The following THRAP3 variants were observed in gnomAD, a reference collection of about 807,000 sequenced individuals.
THRAP3 encodes the protein thyroid hormone receptor associated protein 3.
Under a neutral mutation model 101.0 loss-of-function variants are expected in THRAP3, and 16 were observed. The observed-to-expected ratio is 0.16, with a 90% confidence interval of 0.11 to 0.24. The LOEUF (loss-of-function observed/expected upper bound fraction) is 0.24, where lower values mean the gene tolerates loss of function less well. Ranked by LOEUF, THRAP3 falls within the 10% of genes least tolerant of loss-of-function variation. The pLI is 1.00. For synonymous variants in THRAP3, 407 were observed against 422.6 expected (o/e 0.96, Z 0.45); for missense variants, 989 against 1,202.7 (o/e 0.82, Z 2.63).
chr1:36,301,474 G>T, intron 10 of THRAP3, 79 bp from the exon 11 acceptor site: 1 of 1,543,218 alleles, frequency 6.5e-7, no homozygotes, highest in Non-Finnish European at 8.7e-7. Context: ...CCAGAAAAAT[G>T]TTTGAACAAA....
chr1:36,263,605 A>T lies in THRAP3; in HGVS notation c.-32+4121A>T, dbSNP rs557041318. Among the ~76,000 whole-genome samples the T allele has an allele frequency of 1.1e-4, 17 of 152,322 alleles. No individual in the cohort carries two copies. In the South Asian group the frequency reaches 3.3e-3, roughly 30 times the overall value. ...CCCAATGGTAACATACTCATTTAAA[A>T]TGGGGGCTAAAATTACTGTTACTGT... On this transcript the variant is annotated intron_variant, in intron 2 of 11. Transcript: ENST00000354618.
Position 36,266,275 on chromosome 1 carries a change from A to G in THRAP3, c.-32+6791A>G, listed in dbSNP as rs765595659. ...CAGAGGTTGCAGTCACCTCTGCAGTAAGATTGAGCTACTGCACTCCAGCCT... is the reference window on the plus strand; with the variant it reads ...CAGAGGTTGCAGTCACCTCTGCAGTGAGATTGAGCTACTGCACTCCAGCCT... On this transcript the variant is annotated intron_variant, in intron 2 of 11. Coordinates refer to ENST00000354618, the MANE Select transcript of THRAP3 (RefSeq NM_005119.4). Among the ~76,000 whole-genome samples, 58 of 152,124 alleles carry G rather than the reference A, an allele frequency of 3.8e-4. 1 individual carries two copies. The highest frequency in any genetic ancestry group is 3.9e-4 in the Admixed American group (6 of 15,274).
chr1:36,211,601 C>T, the THRAP3 span, among the ~76,000 whole-genome samples: 27 of 152,146 alleles, frequency 1.8e-4, 1 homozygote, highest in Admixed American at 1.7e-3. Context: ...GCTTAGTAAC[C>T]GCTAGACTAG....
chr1:36,250,780 G>A lies in THRAP3; in HGVS notation c.-134-8602G>A, dbSNP rs376257065. 1.0e-3 allele frequency among the ~76,000 whole-genome samples: 159 copies of A among 151,748 alleles called. 3 individuals are homozygous for A. The South Asian group carries it at 0.03, about 29-fold the overall frequency. On this transcript the variant is annotated intron_variant, in intron 1 of 11. Transcript: ENST00000354618. Reference sequence around the variant, plus strand: ...TACAGAAAATTAGTTGGGCGTGGTGGTGCGCGCCTGTAATCCCATCTATTG... The same window carrying A: ...TACAGAAAATTAGTTGGGCGTGGTGATGCGCGCCTGTAATCCCATCTATTG...
chr1:36,235,217 C>G (rs1645071843), intron 1 of THRAP3, among the ~76,000 whole-genome samples: 1 of 152,082 alleles, frequency 6.6e-6, no homozygotes, highest in African/African-American at 2.4e-5. Context: ...AGGTATTCAG[C>G]ACATGAATAT....
Position 36,253,760 on chromosome 1 carries a change from ATTTTTTTTTT to A in THRAP3, c.-134-5612_-134-5603del, listed in dbSNP as rs58306701. ...AGGCGTACACCATTGAGTCAGGCTA[ATTTTTTTTTT>A]TTTTTTTTTAGTTTTTGTAGAGACG... On this transcript the variant is annotated intron_variant, in intron 1 of 11. Coordinates refer to ENST00000354618, the MANE Select transcript of THRAP3 (RefSeq NM_005119.4). Among the ~76,000 whole-genome samples, 266 of 100,226 alleles carry A rather than the reference ATTTTTTTTTT, an allele frequency of 2.7e-3. 3 individuals carry two copies. The highest frequency in any genetic ancestry group is 0.01 in the African/African-American group (244 of 23,662). 65.8% of individuals were successfully genotyped at this position (100,226 alleles called of 152,430 possible). A position where few individuals can be genotyped will look rare whatever the true frequency, so the allele number is the denominator to read the frequency against.
At chr1:36,233,482 C>T (rs1645051853) in intron 1 of THRAP3, among the ~76,000 whole-genome samples, 1 of 150,998 alleles carries the variant, frequency 6.6e-6, no homozygotes, top group Non-Finnish European at 1.5e-5. Flanking sequence ...CTCCAGCCTT[C>T]CAGCCTGGGT....
chr1:36,251,638 C>A (rs939057976), intron 1 of THRAP3, among the ~76,000 whole-genome samples: 1 of 152,176 alleles, frequency 6.6e-6, no homozygotes, highest in African/African-American at 2.4e-5. Flanking sequence ...ATTCTGAATT[C>A]GCATGAGAAT....
intron 1 of THRAP3, among the ~76,000 whole-genome samples, chr1:36,226,103 T>C (rs760572274): frequency 1.3e-5 from 2 of 152,136 alleles, no homozygotes; most frequent in Non-Finnish European, 2.9e-5. Context: ...AATATATAGG[T>C]ACTTTTAAAT....
At chr1:36,298,925 G>A (rs1262272998) in intron 9 of THRAP3, among the ~76,000 whole-genome samples, 1 of 152,192 alleles carries the variant, frequency 6.6e-6, no homozygotes, top group Non-Finnish European at 1.5e-5. Context: ...CTCACAGTCA[G>A]CTGGGACTAC....
At chr1:36,299,492 CT>C (rs762518758) in intron 9 of THRAP3, among the ~76,000 whole-genome samples, 15 of 146,672 alleles carry the variant, frequency 1.0e-4, no homozygotes, top group South Asian at 4.5e-4. Flanking sequence ...TTTTGAGAGT[CT>C]TTTTTTTTTG....
At chr1:36,226,454 T>G (rs748295560) in intron 1 of THRAP3, among the ~76,000 whole-genome samples, 16 of 152,242 alleles carry the variant, frequency 1.1e-4, no homozygotes, top group Non-Finnish European at 2.1e-4. Context: ...GAGACGGGGT[T>G]TCACCATGTT....
intron 1 of THRAP3, among the ~76,000 whole-genome samples, chr1:36,241,416 T>C (rs1244624831): frequency 8.2e-6 from 1 of 122,238 alleles, no homozygotes; most frequent in Admixed American, 8.2e-5. Flanking sequence ...TATATATATA[T>C]ATATATATAT....
chr1:36,219,274 G>A, the THRAP3 span, among the ~76,000 whole-genome samples: 2 of 152,130 alleles, frequency 1.3e-5, no homozygotes, highest in Non-Finnish European at 2.9e-5. Flanking sequence ...CCAGAGTTTG[G>A]TTCGTGAGGT....
At chr1:36,265,132 T>C (rs1645497075) in intron 2 of THRAP3, among the ~76,000 whole-genome samples, 1 of 152,220 alleles carries the variant, frequency 6.6e-6, no homozygotes, top group South Asian at 2.1e-4. Flanking sequence ...GGGTCACAAC[T>C]GGACCCATAA....
rs774654660 is a variant in THRAP3, at chr1:36,289,689, G to C, written c.1670G>C (p.Gly557Ala). ...GGAGCGAAAGGAGATTTTCCCACAG[G>C]AAAGTCTTCCTTTTCCATTACTCGA... is the stretch of plus-strand genomic sequence containing the variant. Reference protein sequence around the residue: ...KLGAKGDFPTGKSSFSITREA... With the variant: ...KLGAKGDFPTAKSSFSITREA... Residue 557 changes from glycine to alanine, a missense_variant, in exon 5 of 12, where the codon GGA (glycine) becomes GCA (alanine). Transcript: ENST00000354618. The C allele has an allele frequency of 6.2e-7, 1 of 1,614,132 alleles. No homozygotes were observed. Among genetic ancestry groups the C allele is most frequent in the South Asian group, 1.1e-5 (1 of 91,068 alleles).
chr1:36,221,956 C>T (rs1557797973), upstream of THRAP3, among the ~76,000 whole-genome samples: 1 of 151,982 alleles, frequency 6.6e-6, no homozygotes, highest in Non-Finnish European at 1.5e-5. Flanking sequence ...ATTACAGGTG[C>T]CCGCCAGCAT....
At chr1:36,241,410 T>C (rs867392240) in intron 1 of THRAP3, among the ~76,000 whole-genome samples, 58 of 37,652 alleles carry the variant, frequency 1.5e-3, no homozygotes, top group African/African-American at 3.5e-3. Flanking sequence ...TATATATATA[T>C]ATATATATAT....
rs879452909 is a variant in THRAP3, at chr1:36,240,734, A to AT, written c.-135+16239dup. ...CAAAATAATCCTGGACATATTTTGG[A>AT]TTTTTTTTTTCTTGTGTATATTTTG... is the stretch of plus-strand genomic sequence containing the variant. On this transcript the variant is annotated intron_variant, in intron 1 of 11. Transcript: ENST00000354618. Among the ~76,000 whole-genome samples, 32 of 150,122 alleles carry AT rather than the reference A, an allele frequency of 2.1e-4. 1 individual carries two copies. Among genetic ancestry groups the AT allele is most frequent in the Admixed American group, 5.3e-4 (8 of 15,014 alleles).
Sources: allele counts gnomAD v4.1 joint callset (sites outside exome capture counted in the v4.1 genomes callset), GRCh38; gene constraint gnomAD v4.1.1; transcripts MANE v1.5; gene names NCBI Gene and HGNC (gene_info 2026-07-23, HGNC 2026-07-21).